Variants in OCA2 observed in about 807,000 individuals in gnomAD.
OCA2 encodes P protein.
OCA2 carries 77 observed loss-of-function variants against 100.2 expected under a neutral mutation model. That is an observed-to-expected ratio of 0.77 (90% CI 0.64 to 0.93). The LOEUF is 0.93. OCA2 is among the 40% of genes least tolerant of loss of function. The pLI, the probability that OCA2 is intolerant of heterozygous loss-of-function variation, is 0.00. For missense variants in OCA2, 1,062 were observed against 1,089.1 expected (o/e 0.98, Z 0.35); for synonymous variants, 432 against 439.2 (o/e 0.98, Z 0.21).
intron 23 of OCA2, among the ~76,000 whole-genome samples, chr15:27,794,105 T>C (rs12591640): frequency 0.43 from 65,536 of 152,010 alleles, 14,758 homozygotes; most frequent in East Asian, 0.59. Context: ...GAAGATAAGG[T>C]GTGCCAAAAG....
At chr15:27,861,856 G>A (rs915727733) in intron 21 of OCA2, among the ~76,000 whole-genome samples, 5 of 152,126 alleles carry the variant, frequency 3.3e-5, no homozygotes, top group African/African-American at 4.8e-5. Context: ...ATCCGCCTGC[G>A]AATGATCAGC....
Position 28,037,951 on chromosome 15 carries a change from G to A in OCA2, c.228-5788C>T, listed in dbSNP as rs1364090541. ...CAAGCCAACAGAACCCAGCCCTCCT[G>A]TAGCCCCCTCTGCCCAGCAGGCTGA... On this transcript the variant is annotated intron_variant, in intron 2 of 23. Transcript: ENST00000354638. Among the ~76,000 whole-genome samples the A allele has an allele frequency of 2.6e-5, 4 of 152,336 alleles. 1 individual carries two copies. The highest frequency in any genetic ancestry group is 4.1e-4 in the South Asian group (2 of 4,826).
chr15:27,725,925 A>G, the OCA2 span, among the ~76,000 whole-genome samples: 1 of 152,250 alleles, frequency 6.6e-6, no homozygotes, highest in Admixed American at 6.5e-5. Flanking sequence ...AGCTGCCAGC[A>G]TCTGTCAGCT....
chr15:27,957,463 G>T lies in OCA2; in HGVS notation c.1784+125C>A. ...GGGTTAGATAAAATGTACTATAAGAGGCTTAGCACAGTGTGCGTCACCTAA... is the reference window on the plus strand; with the variant it reads ...GGGTTAGATAAAATGTACTATAAGATGCTTAGCACAGTGTGCGTCACCTAA... On this transcript the variant is annotated intron_variant, in intron 16 of 23. Transcript: ENST00000354638. The surrounding 1 kb of genome is among the most constrained non-coding windows in gnomAD (Gnocchi z 4.3). 2 of 1,152,264 alleles carry T rather than the reference G, an allele frequency of 1.7e-6. No homozygotes were observed. Among genetic ancestry groups the T allele is most frequent in the Non-Finnish European group, 1.3e-6 (1 of 775,632 alleles). The allele number at this position is 1,152,264 out of a possible 1,614,324, so 71.4% of individuals were successfully genotyped here. A position where few individuals can be genotyped will look rare whatever the true frequency, so the allele number is the denominator to read the frequency against.
At chr15:27,983,544 G>A (rs768895944) in intron 13 of OCA2, 61 bp from the exon 14 acceptor site, 4 of 1,581,310 alleles carry the variant, frequency 2.5e-6, no homozygotes, top group Non-Finnish European at 3.5e-6. Context: ...AGGCCCACAT[G>A]CAACCCAGAG....
At chr15:27,819,679 G>A (rs575197862) in intron 23 of OCA2, among the ~76,000 whole-genome samples, 1 of 152,120 alleles carries the variant, frequency 6.6e-6, no homozygotes, top group South Asian at 2.1e-4. Flanking sequence ...AGAAATAGAT[G>A]GTTTAATTAG....
At chr15:27,881,628 T>G (rs1236268424) in intron 19 of OCA2, among the ~76,000 whole-genome samples, 1 of 152,234 alleles carries the variant, frequency 6.6e-6, no homozygotes, top group Non-Finnish European at 1.5e-5. Flanking sequence ...ATTTATCCAT[T>G]TCTTCTAGAT....
Position 27,955,079 on chromosome 15 carries a change from G to A in OCA2, c.1842+79C>T, listed in dbSNP as rs138048595. On this transcript the variant is annotated intron_variant, in intron 17 of 23. Coordinates refer to ENST00000354638, the MANE Select transcript of OCA2 (RefSeq NM_000275.3). ...AAAAAGAGAAACGGCATTCAGTCAC[G>A]TGAGGGAAGGAAAAGGCATCACTCA... The A allele has an allele frequency of 1.4e-3, 1,389 of 1,002,662 alleles. 19 individuals carry two copies. The African/African-American group carries it at 0.017, about 12-fold the overall frequency. 62.1% of individuals were successfully genotyped at this position (1,002,662 alleles called of 1,614,324 possible). A position where few individuals can be genotyped will look rare whatever the true frequency, so the allele number is the denominator to read the frequency against.
downstream of OCA2, among the ~76,000 whole-genome samples, chr15:27,751,402 C>T (rs185252580): frequency 1.2e-4 from 19 of 152,190 alleles, no homozygotes; most frequent in East Asian, 3.7e-3. Context: ...AAAAGAAATA[C>T]AACATCCTGA....
At chr15:27,847,325 T>C (rs1595508063) in intron 22 of OCA2, among the ~76,000 whole-genome samples, 1 of 152,106 alleles carries the variant, frequency 6.6e-6, no homozygotes, top group South Asian at 2.1e-4. Context: ...GTCAGGCAGG[T>C]CTCCACTGTT....
chr15:27,825,898 G>A (rs927979352), intron 23 of OCA2, among the ~76,000 whole-genome samples: 2 of 152,206 alleles, frequency 1.3e-5, no homozygotes, highest in African/African-American at 4.8e-5. Flanking sequence ...TAGCTTCACA[G>A]TGCACTATCT....
chr15:27,904,691 A>C (rs539526715), intron 19 of OCA2, among the ~76,000 whole-genome samples: 28 of 152,320 alleles, frequency 1.8e-4, no homozygotes, highest in African/African-American at 6.7e-4. Flanking sequence ...AAACTGGGGA[A>C]CACCAAGTTG....
At chr15:27,755,915 G>A (rs537389100) in intron 23 of OCA2, among the ~76,000 whole-genome samples, 13 of 152,202 alleles carry the variant, frequency 8.5e-5, no homozygotes, top group African/African-American at 3.1e-4. Context: ...AGGAGAGCTT[G>A]ATAAGTAGTG....
chr15:27,837,820 G>A (rs965007742), intron 23 of OCA2, among the ~76,000 whole-genome samples: 1 of 151,520 alleles, frequency 6.6e-6, no homozygotes, highest in Non-Finnish European at 1.5e-5. Context: ...TGAGGGCAGG[G>A]GGGGAAATGC....
rs1278188372 is a variant in OCA2 at position 28,024,898 on chromosome 15, A to G, written c.520T>C (p.Cys174Arg). 2 of 1,614,118 alleles carry G rather than the reference A, an allele frequency of 1.2e-6. No homozygotes were observed. The highest frequency in any genetic ancestry group is 1.3e-5 in the African/African-American group (1 of 74,940). ...IRLRLSKLRR[C>R]VQWLKVMGLF... ...CCCATGACTTTCAGCCACTGCACAC[A>G]GCGCCTGCAAGAGAAAAAGTAGGGC... The change falls in exon 5 of 24, where the codon TGT (cysteine) becomes CGT (arginine). Residue 174 changes from cysteine to arginine, a missense_variant. Coordinates refer to ENST00000354638, the MANE Select transcript of OCA2 (RefSeq NM_000275.3).
At chr15:28,057,961 A>AG (rs2043756018) in intron 2 of OCA2, among the ~76,000 whole-genome samples, 1 of 152,164 alleles carries the variant, frequency 6.6e-6, no homozygotes, top group African/African-American at 2.4e-5. Context: ...ACACACCGGG[A>AG]GGCAGCCTGC....
At chr15:27,750,743 CTTAA>C (rs1429031251), downstream of OCA2, among the ~76,000 whole-genome samples, 9 of 152,268 alleles carry the variant, frequency 5.9e-5, no homozygotes, top group Admixed American at 4.6e-4. Flanking sequence ...CAGCGGTGTG[CTTAA>C]TTGTCATAGT....
intron 23 of OCA2, among the ~76,000 whole-genome samples, chr15:27,795,162 A>G (rs924233517): frequency 6.6e-6 from 1 of 152,142 alleles, no homozygotes; most frequent in East Asian, 1.9e-4. Context: ...AAAACCTTCA[A>G]TCTGGGTGAA....
Position 27,779,276 on chromosome 15 carries a change from A to G in OCA2, c.2433-23804T>C, listed in dbSNP as rs74007368. Among the ~76,000 whole-genome samples the G allele has an allele frequency of 7.0e-3, 1,061 of 152,270 alleles. 21 individuals are homozygous for G. The highest frequency in any genetic ancestry group is 0.025 in the African/African-American group (1,024 of 41,542). ...TGATCTGGATGTGTCTGCTAGGTCC[A>G]TTTGGTCTACAGTGGTTTTCGAGTC... On this transcript the variant is annotated intron_variant, in intron 23 of 23. Coordinates refer to ENST00000354638, the MANE Select transcript of OCA2 (RefSeq NM_000275.3).
Sources: allele counts gnomAD v4.1 joint callset (sites outside exome capture counted in the v4.1 genomes callset), GRCh38; gene constraint gnomAD v4.1.1; non-coding constraint Gnocchi (gnomAD v3.1); transcripts MANE v1.5; gene names NCBI Gene and HGNC (gene_info 2026-07-23, HGNC 2026-07-21).